Variants in SCN3B observed in about 807,000 individuals in gnomAD.
The protein encoded by SCN3B is sodium channel regulatory subunit beta-3.
In SCN3B, 11 loss-of-function variants were observed where a neutral mutation model predicts 25.4. The observed-to-expected ratio is 0.43, with a 90% CI of 0.27 to 0.72. The LOEUF is 0.72. Ranked by LOEUF, SCN3B falls within the 30% of genes least tolerant of loss-of-function variation. The pLI, the probability that SCN3B is intolerant of heterozygous loss-of-function variation, is 0.18. For missense variants in SCN3B, 218 were observed against 278.3 expected, an observed-to-expected ratio of 0.78 and a Z score of 1.54; for synonymous variants, 109 against 110.7, an observed-to-expected ratio of 0.99 and a Z score of 0.09.
intron 5 of SCN3B, among the ~76,000 whole-genome samples, chr11:123,635,741 C>T (rs1253334545): frequency 5.3e-5 from 8 of 151,914 alleles, no homozygotes; most frequent in Admixed American, 2.0e-4. Context: ...CAAATCCTAC[C>T]AACCTCTTGC....
rs1177358612 is a variant in SCN3B at position 123,633,722 on chromosome 11, A to T, written c.*77T>A. 3.4e-6 allele frequency: 1 copy of T among 292,332 alleles called. No homozygotes were observed. The allele number at this position is 292,332 out of a possible 1,614,324, so 18.1% of individuals were successfully genotyped here. On this transcript the variant is annotated 3_prime_UTR_variant, in exon 7 of 7. Coordinates refer to ENST00000299333, the MANE Select transcript of SCN3B (RefSeq NM_001040151.2). ...ATGGGGCCCTTGGGGCGCCCTCCTG[A>T]TGCCATTGACATTGCTGAACATGGG...
At chr11:123,644,788 AGAGAGAGAGAGAAT>A (rs1469595489) in intron 3 of SCN3B, among the ~76,000 whole-genome samples, 1 of 104,870 alleles carries the variant, frequency 9.5e-6, no homozygotes, top group Non-Finnish European at 1.9e-5. Flanking sequence ...AGAGAGAGAG[AGAGAGAGAGAGAAT>A]ATATATATAT....
At chr11:123,635,713 C>A (rs1021519525) in intron 5 of SCN3B, among the ~76,000 whole-genome samples, 1 of 151,304 alleles carries the variant, frequency 6.6e-6, no homozygotes, top group Non-Finnish European at 1.5e-5. Context: ...ACAAAGGAAA[C>A]CTTCATCTCC....
At chr11:123,634,596 G>A (rs1040278773) in intron 5 of SCN3B, among the ~76,000 whole-genome samples, 17 of 152,268 alleles carry the variant, frequency 1.1e-4, no homozygotes, top group Admixed American at 1.0e-3. Flanking sequence ...CAAAAAACTA[G>A]CCTGGCATGG....
intron 2 of SCN3B, among the ~76,000 whole-genome samples, chr11:123,650,320 A>C (rs866974857): frequency 2.0e-5 from 3 of 152,196 alleles, no homozygotes; most frequent in South Asian, 2.1e-4. Context: ...GACAATGCCC[A>C]ATTTTTCCTC....
intron 3 of SCN3B, among the ~76,000 whole-genome samples, chr11:123,644,423 G>A (rs1331702418): frequency 3.9e-5 from 6 of 152,132 alleles, no homozygotes; most frequent in Non-Finnish European, 8.8e-5. Flanking sequence ...AGGTGGCCTG[G>A]CTCCACAGTC....
At position 123,632,869 on chromosome 11, in the gene SCN3B, T is replaced by C. The variant is rs555303241; in HGVS notation, c.*930A>G. 3 of 152,362 alleles carry C rather than the reference T, an allele frequency of 2.0e-5. No individual in the cohort carries two copies. In the East Asian group the frequency reaches 5.8e-4, roughly 29 times the overall value. 9.4% of individuals were successfully genotyped at this position (152,362 alleles called of 1,614,324 possible). Reference sequence around the variant, plus strand: ...CTGGGCAGCACCTAAGGCTTATTTCTGCTCCAGTTTATCCTCTTAAGCCTC... The same window carrying C: ...CTGGGCAGCACCTAAGGCTTATTTCCGCTCCAGTTTATCCTCTTAAGCCTC... On this transcript the variant is annotated 3_prime_UTR_variant, in exon 7 of 7. Coordinates refer to ENST00000299333, the MANE Select transcript of SCN3B (RefSeq NM_001040151.2).
At chr11:123,634,695 G>A (rs1271048643) in intron 5 of SCN3B, among the ~76,000 whole-genome samples, 1 of 152,138 alleles carries the variant, frequency 6.6e-6, no homozygotes, top group African/African-American at 2.4e-5. Flanking sequence ...TTGCACCACT[G>A]CACTCCAGCC....
At chr11:123,644,759 AC>A (rs1207380940) in intron 3 of SCN3B, among the ~76,000 whole-genome samples, 4 of 139,230 alleles carry the variant, frequency 2.9e-5, no homozygotes, top group Admixed American at 1.5e-4. Flanking sequence ...ACAGAGGGAG[AC>A]CCCGTTGAGA....
At position 123,638,248 on chromosome 11, in the gene SCN3B, G is replaced by A; in HGVS notation, c.522C>T (p.Leu174=). The A allele has an allele frequency of 6.2e-7, 1 of 1,614,162 alleles. No homozygotes were observed. The highest frequency in any genetic ancestry group is 1.1e-5 in the South Asian group (1 of 91,074). The change falls in exon 5 of 7, where the codon CTC becomes CTT. Residue 174 remains leucine, a synonymous_variant. Transcript: ENST00000299333. Reference sequence around the variant, plus strand: ...TTCTGTAGCAATATATCATCTCGATGAGCAGCCACAAGGTGAGGAAGACCA... The same window carrying A: ...TTCTGTAGCAATATATCATCTCGATAAGCAGCCACAAGGTGAGGAAGACCA... ...ILLVFLTLWL[L]IEMIYCYRKV...
chr11:123,631,658 GTC>G lies in SCN3B; in HGVS notation c.*2139_*2140del, dbSNP rs1351936312. 1 of 151,682 alleles carries G rather than the reference GTC, an allele frequency of 6.6e-6. No individual in the cohort carries two copies. Among genetic ancestry groups the G allele is most frequent in the African/African-American group, 2.4e-5 (1 of 41,148 alleles). 9.4% of individuals were successfully genotyped at this position (151,682 alleles called of 1,614,324 possible). Reference sequence around the variant, plus strand: ...GCCTGGGCGACATGGCAAGACCCCTGTCTCTACATAAAATACAAAAATTAGCC... The same window carrying G: ...GCCTGGGCGACATGGCAAGACCCCTGTCTACATAAAATACAAAAATTAGCC... On this transcript the variant is annotated 3_prime_UTR_variant, in exon 7 of 7. Transcript: ENST00000299333.
Position 123,654,368 on chromosome 11 carries a change from T to C in SCN3B, c.-168A>G, listed in dbSNP as rs1190206783. On this transcript the variant is annotated 5_prime_UTR_variant, in exon 1 of 7. Transcript: ENST00000299333. ...GGGGCCGCCCGTCTGGGCTACAGAA[T>C]GCGTTCCACGTCGGTCCCGTCCACG... 1 of 160,766 alleles carries C rather than the reference T, an allele frequency of 6.2e-6. No homozygotes were observed. The highest frequency in any genetic ancestry group is 5.8e-5 in the Admixed American group (1 of 17,280). 10.0% of individuals were successfully genotyped at this position (160,766 alleles called of 1,614,324 possible).
chr11:123,645,566 A>G, intron 3 of SCN3B, 21 bp downstream of exon 3: 1 of 1,613,954 alleles, frequency 6.2e-7, no homozygotes, highest in Non-Finnish European at 8.5e-7. Context: ...AAGAAAGGCC[A>G]GAGTCAGCAG....
chr11:123,648,954 C>A (rs191053005), intron 2 of SCN3B, among the ~76,000 whole-genome samples: 15 of 151,756 alleles, frequency 9.9e-5, no homozygotes, highest in African/African-American at 3.6e-4. Flanking sequence ...CATGGAGCAG[C>A]AGAAGGTTCT....
In SCN3B at chr11:123,631,970, A is replaced by G. The variant is rs1372066902; in HGVS notation, c.*1829T>C. 1.3e-5 allele frequency: 2 copies of G among 152,216 alleles called. No individual in the cohort carries two copies. Among genetic ancestry groups the G allele is most frequent in the African/African-American group, 4.8e-5 (2 of 41,458 alleles). 9.4% of individuals were successfully genotyped at this position (152,216 alleles called of 1,614,324 possible). ...GTCTTTCCCTATAAAGGGAGGTCCC[A>G]GGTCTGAGGGACCTCTCTCTCGCTG... On this transcript the variant is annotated 3_prime_UTR_variant, in exon 7 of 7. Coordinates refer to ENST00000299333, the MANE Select transcript of SCN3B (RefSeq NM_001040151.2).
chr11:123,651,527 C>G (rs1473079356), intron 2 of SCN3B, among the ~76,000 whole-genome samples: 1 of 152,184 alleles, frequency 6.6e-6, no homozygotes, highest in Non-Finnish European at 1.5e-5. Flanking sequence ...CTATGCCCGA[C>G]TAATTTTTGT....
chr11:123,642,487 A>G lies in SCN3B; in HGVS notation c.404T>C (p.Val135Ala), dbSNP rs754912359. 23 of 1,614,052 alleles carry G rather than the reference A, an allele frequency of 1.4e-5. No individual in the cohort carries two copies. The highest frequency in any genetic ancestry group is 1.9e-5 in the Non-Finnish European group (22 of 1,180,042). The change falls in exon 4 of 7, where the codon GTG becomes GCG. Residue 135 changes from valine to alanine, a missense_variant. By Grantham distance (64) the Val-to-Ala change is moderately conservative. Coordinates refer to ENST00000299333, the MANE Select transcript of SCN3B (RefSeq NM_001040151.2). This position sits in a 1 kb window ranked among gnomAD's most constrained non-coding sequence, Gnocchi z 4.3. ...EFEFEAHRPF[V>A]KTTRLIPLRV... ...TAGGGGGATCAGCCGCGTCGTCTTC[A>G]CAAAGGGCCGATGCGCCTCAAACTC...
At chr11:123,634,495 C>A (rs768564773) in intron 5 of SCN3B, among the ~76,000 whole-genome samples, 1 of 152,224 alleles carries the variant, frequency 6.6e-6, no homozygotes, top group Non-Finnish European at 1.5e-5. Context: ...AATCCCAGCA[C>A]TTTGGGAGGC....
At chr11:123,634,073 A>T (rs1167682013) in intron 6 of SCN3B, 48 bp downstream of exon 6, 2 of 1,455,666 alleles carry the variant, frequency 1.4e-6, no homozygotes, top group Non-Finnish European at 1.9e-6. Flanking sequence ...TCACTTGTAC[A>T]ACCTGCCATC....
Sources: gnomAD v4.1 joint callset for allele counts (sites outside exome capture counted in the v4.1 genomes callset) on GRCh38, gnomAD v4.1.1 for gene constraint, Gnocchi (gnomAD v3.1) non-coding constraint, MANE v1.5 for transcripts, NCBI Gene and HGNC (gene_info 2026-07-23, HGNC 2026-07-21) for gene names.